IL21R: variants seen among roughly 807,000 people sequenced by gnomAD.
IL21R encodes the protein interleukin 21 receptor, also known as interleukin-21 receptor.
Under a neutral mutation model 41.3 loss-of-function variants are expected in IL21R, and 14 were observed. The ratio of observed to expected loss-of-function variants is 0.34; its 90% CI spans 0.22 to 0.53. The LOEUF (loss-of-function observed/expected upper bound fraction) is 0.53, where lower values mean the gene tolerates loss of function less well. IL21R is among the 20% of genes least tolerant of loss of function. The probability of loss-of-function intolerance (pLI) is 0.94; values close to 1 mark genes in which losing one functional copy is unlikely to be tolerated. For synonymous variants in IL21R, 286 were observed against 287.6 expected, an observed-to-expected ratio of 0.99 and a Z score of 0.05; for missense variants, 588 against 681.6, an observed-to-expected ratio of 0.86 and a Z score of 1.53.
chr16:27,433,350 C>T (rs1025883400), intron 2 of IL21R, among the ~76,000 whole-genome samples: 1 of 152,106 alleles, frequency 6.6e-6, no homozygotes, highest in African/African-American at 2.4e-5. Context: ...ACTGTAGTCT[C>T]AGCTACTCAG....
intron 1 of IL21R, among the ~76,000 whole-genome samples, chr16:27,404,171 G>T (rs2086703706): frequency 6.6e-6 from 1 of 152,126 alleles, no homozygotes; most frequent in Admixed American, 6.5e-5. Context: ...CCCCACCGTG[G>T]GCTCAGCGAT....
intron 1 of IL21R, among the ~76,000 whole-genome samples, chr16:27,410,679 C>T (rs1008894802): frequency 1.3e-5 from 2 of 152,134 alleles, no homozygotes; most frequent in Non-Finnish European, 2.9e-5. Flanking sequence ...ATTTTATTAA[C>T]CAGTAGATCT....
intron 2 of IL21R, 121 bp downstream of exon 2, chr16:27,430,241 C>T: frequency 1.3e-6 from 1 of 788,830 alleles, no homozygotes; most frequent in Non-Finnish European, 2.0e-6. Context: ...GAAAAGATGA[C>T]ATCCATGCCC....
Position 27,450,364 on chromosome 16 carries a change from AG to A in IL21R, c.*1086del, listed in dbSNP as rs764903541. On this transcript the variant is annotated 3_prime_UTR_variant, in exon 9 of 9. Transcript: ENST00000337929. ...GACCCACCCCCCGTGGCACTCATGG[AG>A]GGGGCTGCAGGTTGGAACTATGCAG... The A allele has an allele frequency of 1.3e-5, 3 of 231,396 alleles. No individual in the cohort carries two copies. The highest frequency in any genetic ancestry group is 6.6e-5 in the African/African-American group (3 of 45,224). 14.3% of individuals were successfully genotyped at this position (231,396 alleles called of 1,614,324 possible).
rs138558226 is a variant in IL21R at position 27,450,621 on chromosome 16, G to A, written c.*1338G>A. The A allele has an allele frequency of 8.5e-3, 1,799 of 212,358 alleles. 46 individuals carry two copies. The highest frequency in any genetic ancestry group is 0.039 in the African/African-American group (1,655 of 42,688). The allele number at this position is 212,358 out of a possible 1,614,324, so 13.2% of individuals were successfully genotyped here. On this transcript the variant is annotated 3_prime_UTR_variant, in exon 9 of 9. Transcript: ENST00000337929. ...TCTTTTGAGACAGAGTCTCACTCTC[G>A]TCGCCCAGGCTGGAATGCAGTGGTG... is the stretch of plus-strand genomic sequence containing the variant.
chr16:27,424,387 C>T (rs2087043791), intron 1 of IL21R, among the ~76,000 whole-genome samples: 1 of 152,080 alleles, frequency 6.6e-6, no homozygotes, highest in Admixed American at 6.6e-5. Flanking sequence ...AGTTAAGCAC[C>T]TTATATTCTC....
chr16:27,446,099 G>A lies in IL21R; in HGVS notation c.867+11G>A, dbSNP rs763080402. The A allele has an allele frequency of 1.8e-5, 29 of 1,610,734 alleles. No individual in the cohort carries two copies. The highest frequency in any genetic ancestry group is 5.0e-5 in the Admixed American group (3 of 59,908). On this transcript the variant is annotated intron_variant, in intron 8 of 8. Transcript: ENST00000337929. ...AGCGGAGACTTCAAGGTGAGCTCCCGACCCTGTGATGAGCTCCTCGGAGCC... is the reference window on the plus strand; with the variant it reads ...AGCGGAGACTTCAAGGTGAGCTCCCAACCCTGTGATGAGCTCCTCGGAGCC...
intron 1 of IL21R, chr16:27,403,033 A>C: frequency 4.4e-6 from 2 of 451,612 alleles, no homozygotes; most frequent in South Asian, 3.5e-5. Flanking sequence ...TACCACCTTG[A>C]TTCCACCCAG....
chr16:27,418,548 T>A (rs930318533), intron 1 of IL21R, among the ~76,000 whole-genome samples: 3 of 152,060 alleles, frequency 2.0e-5, no homozygotes, highest in Non-Finnish European at 4.4e-5. Context: ...TTTTTGGTAT[T>A]TTTAGTAGAG....
intron 1 of IL21R, among the ~76,000 whole-genome samples, chr16:27,406,083 T>C (rs1170001441): frequency 6.6e-6 from 1 of 152,254 alleles, no homozygotes; most frequent in African/African-American, 2.4e-5. Context: ...CCAAGCGGGC[T>C]TGACTAGGAC....
At chr16:27,423,604 T>C (rs983548473) in intron 1 of IL21R, among the ~76,000 whole-genome samples, 1 of 152,212 alleles carries the variant, frequency 6.6e-6, no homozygotes, top group Admixed American at 6.5e-5. Context: ...CAGTGTGGTG[T>C]CAATGGTGTT....
intron 1 of IL21R, among the ~76,000 whole-genome samples, chr16:27,429,301 G>T (rs184157072): frequency 2.6e-3 from 399 of 152,128 alleles, no homozygotes; most frequent in African/African-American, 8.3e-3. Flanking sequence ...ATCCAAAATT[G>T]CTCCTCAGCA....
intron 5 of IL21R, among the ~76,000 whole-genome samples, chr16:27,443,504 C>A (rs1033224217): frequency 1.3e-5 from 2 of 152,118 alleles, no homozygotes; most frequent in African/African-American, 4.8e-5. Flanking sequence ...GAAGGTCCAG[C>A]CAGGTGCGGT....
chr16:27,449,995 C>T lies in IL21R; in HGVS notation c.*712C>T, dbSNP rs2087562144. The stretch of plus-strand genomic sequence containing the variant: ...TCCAGACAGTGGGGAAGGCATGACA[C>T]ACCTGGGGGAAATTGGCGATGTCAC... On this transcript the variant is annotated 3_prime_UTR_variant, in exon 9 of 9. Coordinates refer to ENST00000337929, the MANE Select transcript of IL21R (RefSeq NM_181078.3). The T allele has an allele frequency of 8.6e-6, 2 of 232,992 alleles. No individual in the cohort carries two copies. Among genetic ancestry groups the T allele is most frequent in the Non-Finnish European group, 1.7e-5 (2 of 117,900 alleles). The allele number at this position is 232,992 out of a possible 1,614,324, so 14.4% of individuals were successfully genotyped here. A position where few individuals can be genotyped will look rare whatever the true frequency, so the allele number is the denominator to read the frequency against.
intron 1 of IL21R, among the ~76,000 whole-genome samples, chr16:27,427,017 G>C (rs2087088761): frequency 6.6e-6 from 1 of 152,122 alleles, no homozygotes; most frequent in Non-Finnish European, 1.5e-5. Context: ...CATTTTCAAG[G>C]AGGCTGTCTC....
rs928005837 is a variant in IL21R, at chr16:27,440,291, C to A, written c.352+2604C>A. ...GAGAGAGAGAGAGAGCGAGCAAGCG[C>A]GCGCCAGGGTGTAGCTTTGTCCTCC... On this transcript the variant is annotated intron_variant, in intron 4 of 8. Transcript: ENST00000337929. 2.7e-3 allele frequency among the ~76,000 whole-genome samples: 361 copies of A among 131,634 alleles called. 7 individuals are homozygous for A. Among genetic ancestry groups the A allele is most frequent in the Middle Eastern group, 7.6e-3 (2 of 264 alleles). 86.4% of individuals were successfully genotyped at this position (131,634 alleles called of 152,430 possible). A position where few individuals can be genotyped will look rare whatever the true frequency, so the allele number is the denominator to read the frequency against.
At chr16:27,432,866 G>A (rs1013028137) in intron 2 of IL21R, among the ~76,000 whole-genome samples, 1 of 152,178 alleles carries the variant, frequency 6.6e-6, no homozygotes, top group Non-Finnish European at 1.5e-5. Context: ...GGAGTGCTGT[G>A]ATCCATTAGC....
intron 1 of IL21R, among the ~76,000 whole-genome samples, chr16:27,418,577 A>T (rs12923847): frequency 1.3e-5 from 2 of 152,042 alleles, no homozygotes; most frequent in East Asian, 3.9e-4. Flanking sequence ...TCACCATGTT[A>T]GCCAGGATAG....
In IL21R at chr16:27,430,086, G is replaced by C. The variant is rs1307968214; in HGVS notation, c.15G>C (p.Trp5Cys). The change falls in exon 2 of 9, where the codon TGG becomes TGC. Residue 5 changes from tryptophan (W) to cysteine (C), a missense_variant. By Grantham distance (215) the Trp-to-Cys change is radical. Coordinates refer to ENST00000337929, the MANE Select transcript of IL21R (RefSeq NM_181078.3). Reference protein sequence around the residue: MPRGWAAPLLLLLLQ... With the variant: MPRGCAAPLLLLLLQ... Reference sequence around the variant, plus strand: ...TGGGAGTCAGCATGCCGCGTGGCTGGGCCGCCCCCTTGCTCCTGCTGCTGC... The same window carrying C: ...TGGGAGTCAGCATGCCGCGTGGCTGCGCCGCCCCCTTGCTCCTGCTGCTGC... 6.2e-7 allele frequency: 1 copy of C among 1,605,898 alleles called. No individual in the cohort carries two copies. Among genetic ancestry groups the C allele is most frequent in the South Asian group, 1.1e-5 (1 of 90,972 alleles).
Sources: allele counts gnomAD v4.1 joint callset (sites outside exome capture counted in the v4.1 genomes callset), GRCh38; gene constraint gnomAD v4.1.1; transcripts MANE v1.5; gene names NCBI Gene and HGNC (gene_info 2026-07-23, HGNC 2026-07-21).